Variants in RYR3 observed in about 807,000 individuals in gnomAD.
RYR3 encodes brain ryanodine receptor-calcium release channel.
In RYR3, 207 loss-of-function variants were observed where a neutral mutation model predicts 584.3. That is an observed-to-expected ratio of 0.35 (90% CI 0.32 to 0.40). The LOEUF (loss-of-function observed/expected upper bound fraction) is 0.40, where lower values mean the gene tolerates loss of function less well. Among genes scored for constraint, RYR3 ranks in the 10% least tolerant of loss-of-function variants. The pLI is 1.00. For missense variants in RYR3, 5,616 were observed against 6,089.2 expected (o/e 0.92, Z 2.59); for synonymous variants, 2,416 against 2,248.5 (o/e 1.07, Z -2.11).
At chr15:33,736,753 CT>C (rs373773303) in intron 49 of RYR3, among the ~76,000 whole-genome samples, 2 of 149,094 alleles carry the variant, frequency 1.3e-5, no homozygotes, top group East Asian at 2.0e-4. Flanking sequence ...TTGTTTTCTA[CT>C]TTTTTTTTAA....
chr15:33,644,348 C>A lies in RYR3; in HGVS notation c.3594C>A (p.Ile1198=). 1 of 1,612,754 alleles carries A rather than the reference C, an allele frequency of 6.2e-7. No individual in the cohort carries two copies. Among genetic ancestry groups the A allele is most frequent in the Non-Finnish European group, 8.5e-7 (1 of 1,179,432 alleles). The change falls in exon 28 of 104, where the codon ATC becomes ATA. Residue 1198 remains isoleucine (I), a synonymous_variant. Transcript: ENST00000634891. The part of the protein sequence containing the change: ...VPICCLGLSQ[I]GRMNLGTDAS... ...TCTGCTGTCTGGGTCTATCTCAGAT[C>A]GGCCGCATGAATCTCGGGACAGATG...
At chr15:33,482,414 GTTGTTGTTGT>G (rs1333155817) in intron 2 of RYR3, among the ~76,000 whole-genome samples, 2 of 151,738 alleles carry the variant, frequency 1.3e-5, no homozygotes, top group African/African-American at 4.8e-5. Context: ...TTTTGTTGTT[GTTGTTGTTGT>G]TTGTTGTTGT....
At chr15:33,514,234 G>A (rs1460087990) in intron 3 of RYR3, among the ~76,000 whole-genome samples, 3 of 152,178 alleles carry the variant, frequency 2.0e-5, no homozygotes, top group Admixed American at 6.5e-5. Context: ...AGAGAAACAT[G>A]CATTGGCACC....
At chr15:33,516,071 G>T (rs1026965538) in intron 3 of RYR3, among the ~76,000 whole-genome samples, 2 of 152,174 alleles carry the variant, frequency 1.3e-5, no homozygotes, top group African/African-American at 4.8e-5. Flanking sequence ...CCTTTATTAT[G>T]ATATTTGTAT....
chr15:33,317,020 A>G (rs1419702193), intron 1 of RYR3, among the ~76,000 whole-genome samples: 1 of 152,176 alleles, frequency 6.6e-6, no homozygotes, highest in African/African-American at 2.4e-5. Flanking sequence ...TAATCTTCAA[A>G]AGGCCAGGTA....
chr15:33,443,438 T>C (rs1423047746), intron 1 of RYR3, among the ~76,000 whole-genome samples: 1 of 152,190 alleles, frequency 6.6e-6, no homozygotes, highest in African/African-American at 2.4e-5. Flanking sequence ...GCCCAAGTTG[T>C]AAACAATGGC....
intron 67 of RYR3, among the ~76,000 whole-genome samples, chr15:33,791,705 G>A (rs1042443441): frequency 6.6e-6 from 1 of 152,228 alleles, no homozygotes; most frequent in African/African-American, 2.4e-5. Context: ...AGAATAGGAA[G>A]GAAGTTGCAT....
At chr15:33,836,776 A>T (rs1206822120) in intron 87 of RYR3, 130 bp from the exon 88 acceptor site, 2 of 624,968 alleles carry the variant, frequency 3.2e-6, no homozygotes, top group Non-Finnish European at 5.7e-6. Context: ...ATTCAGAATG[A>T]GAAGGAAGCT....
At chr15:33,464,489 T>TATAC (rs1450450145) in intron 1 of RYR3, among the ~76,000 whole-genome samples, 3 of 67,446 alleles carry the variant, frequency 4.4e-5, no homozygotes, top group Admixed American at 1.5e-4. Context: ...TATATATATA[T>TATAC]ACACATATAT....
intron 38 of RYR3, among the ~76,000 whole-genome samples, chr15:33,692,029 T>G (rs781117078): frequency 6.6e-5 from 10 of 152,210 alleles, no homozygotes; most frequent in Non-Finnish European, 1.3e-4. Context: ...AGATCACATT[T>G]TTATGACTCT....
At position 33,613,231 on chromosome 15, in the gene RYR3, C is replaced by T. The variant is rs779196123; in HGVS notation, c.2213C>T (p.Ser738Leu). The T allele has an allele frequency of 6.8e-6, 11 of 1,613,744 alleles. No homozygotes were observed. The highest frequency in any genetic ancestry group is 4.4e-5 in the South Asian group (4 of 91,046). ...TCCATCAACCAGCACCTCCTGAGATCGGATGACGTGGTAAGCTGCTGCCTG... is the reference window on the plus strand; with the variant it reads ...TCCATCAACCAGCACCTCCTGAGATTGGATGACGTGGTAAGCTGCTGCCTG... ...VASINQHLLR[S>L]DDVVSCCLDL... The change falls in exon 19 of 104, where the codon TCG (serine) becomes TTG (leucine). Residue 738 changes from serine to leucine, a missense_variant. Around this residue, in one of 9 missense-constraint regions of RYR3, gnomAD observed 1,284 missense variants for 1,344.6 expected, o/e 0.95. Transcript: ENST00000634891.
At chr15:33,727,073 G>A (rs867774400) in intron 46 of RYR3, among the ~76,000 whole-genome samples, 2 of 152,168 alleles carry the variant, frequency 1.3e-5, no homozygotes, top group South Asian at 2.1e-4. Flanking sequence ...CTCTCACCAC[G>A]GCCTCCCTTC....
At chr15:33,498,178 T>A (rs1213110406) in intron 2 of RYR3, among the ~76,000 whole-genome samples, 1 of 152,218 alleles carries the variant, frequency 6.6e-6, no homozygotes, top group Admixed American at 6.5e-5. Flanking sequence ...GGAGTGCAGA[T>A]ATCTCTTCAA....
chr15:33,539,534 A>G, intron 6 of RYR3, 72 bp downstream of exon 6: 1 of 856,882 alleles, frequency 1.2e-6, no homozygotes, highest in Non-Finnish European at 1.9e-6. Flanking sequence ...GCCATGAAGA[A>G]CTGAGCCACA....
intron 1 of RYR3, among the ~76,000 whole-genome samples, chr15:33,449,499 G>A (rs2046934584): frequency 6.6e-6 from 1 of 152,176 alleles, no homozygotes. Context: ...CCAGGAGGCA[G>A]GAATCACTGA....
At chr15:33,645,662 A>G (rs12439006) in intron 28 of RYR3, among the ~76,000 whole-genome samples, 31,408 of 152,204 alleles carry the variant, frequency 0.21, 3,539 homozygotes, top group Middle Eastern at 0.29. Context: ...AGAGGCTCAG[A>G]TTATAAGAAA....
At position 33,595,307 on chromosome 15, in the gene RYR3, AC is replaced by A. The variant is rs2059318469; in HGVS notation, c.1789-6111del. Among the ~76,000 whole-genome samples the A allele has an allele frequency of 3.3e-5, 5 of 152,322 alleles. No homozygotes were observed. In the South Asian group the frequency reaches 8.3e-4, roughly 25 times the overall value. ...TGAAGTCAATTACGTTTGCTTTCAAACTTTTATAAACAATTTATAAAATTTA... is the reference window on the plus strand; with the variant it reads ...TGAAGTCAATTACGTTTGCTTTCAAATTTTATAAACAATTTATAAAATTTA... On this transcript the variant is annotated intron_variant, in intron 16 of 103. Transcript: ENST00000634891.
intron 67 of RYR3, among the ~76,000 whole-genome samples, chr15:33,798,353 A>C (rs2075741713): frequency 2.0e-5 from 3 of 152,134 alleles, no homozygotes; most frequent in African/African-American, 7.2e-5. Context: ...GGCCTCCCAA[A>C]GTGCTGGGAT....
intron 31 of RYR3, among the ~76,000 whole-genome samples, chr15:33,649,529 G>T (rs2062333756): frequency 6.6e-6 from 1 of 152,172 alleles, no homozygotes; most frequent in African/African-American, 2.4e-5. Context: ...TTCTGGGCAA[G>T]TCCCAGTTTC....
Sources: gnomAD v4.1 joint callset for allele counts (sites outside exome capture counted in the v4.1 genomes callset) on GRCh38, gnomAD v4.1.1 for gene constraint, gnomAD v4.1.1 regional missense constraint, MANE v1.5 for transcripts, NCBI Gene and HGNC (gene_info 2026-07-23, HGNC 2026-07-21) for gene names.